LEKR1: variants seen among roughly 807,000 people sequenced by gnomAD.
The protein encoded by LEKR1 is leucine, glutamate and lysine rich 1.
A neutral mutation model predicts 72.4 loss-of-function variants in LEKR1; 59 were observed. That is an observed-to-expected ratio of 0.82 (90% CI 0.66 to 1.01). The LOEUF (loss-of-function observed/expected upper bound fraction) is 1.01. LEKR1 is among the 50% of genes least tolerant of loss of function. The probability of loss-of-function intolerance (pLI) is 0.00; values close to 1 mark genes in which losing one functional copy is unlikely to be tolerated. For missense variants in LEKR1, 728 were observed against 759.2 expected (o/e 0.96, Z 0.48); for synonymous variants, 257 against 263.2 (o/e 0.98, Z 0.23).
intron 5 of LEKR1, among the ~76,000 whole-genome samples, chr3:156,932,806 G>A (rs574355925): frequency 3.1e-4 from 47 of 151,714 alleles, no homozygotes; most frequent in Admixed American, 2.0e-4. Context: ...CGCGGCAGGC[G>A]GATCCCGAGG....
rs374822344 is a variant in LEKR1 at position 157,028,070 on chromosome 3, C to T, written c.1369-33C>T. The T allele has an allele frequency of 2.5e-5, 35 of 1,384,726 alleles. No homozygotes were observed. The African/African-American group carries it at 3.9e-4, about 15-fold the overall frequency. The allele number at this position is 1,384,726 out of a possible 1,614,324, so 85.8% of individuals were successfully genotyped here. A position where few individuals can be genotyped will look rare whatever the true frequency, so the allele number is the denominator to read the frequency against. ...AATTCTGTGGTTACCTAGAAACTAT[C>T]GCCTACAAGCTAATATGAGATTTAT... On this transcript the variant is annotated intron_variant, in intron 11 of 12. Coordinates refer to ENST00000356539, the MANE Select transcript of LEKR1 (RefSeq NM_001004316.3).
chr3:156,880,952 C>G (rs922760956), intron 3 of LEKR1, among the ~76,000 whole-genome samples: 1 of 152,174 alleles, frequency 6.6e-6, no homozygotes, highest in African/African-American at 2.4e-5. Context: ...ATTCAAAAAC[C>G]TTCATGCTAA....
Position 157,024,808 on chromosome 3 carries a change from GAAGAGC to G in LEKR1, c.1256_1261del (p.Glu419_Gln420del), listed in dbSNP as rs762927924. 1 of 1,611,690 alleles carries G rather than the reference GAAGAGC, an allele frequency of 6.2e-7. No homozygotes were observed. The highest frequency in any genetic ancestry group is 1.1e-5 in the South Asian group (1 of 90,408). On this transcript the variant is annotated inframe_deletion, in exon 11 of 13. Transcript: ENST00000356539. Reference sequence around the variant, plus strand: ...AAGGGCCCAACACTTGGTTGAATTTGAAGAGCAAGCTCTTCTCTTTAAGGAAGAAAC... The same window carrying G: ...AAGGGCCCAACACTTGGTTGAATTTGAAGCTCTTCTCTTTAAGGAAGAAAC...
At chr3:156,890,216 T>C (rs1720517091) in intron 3 of LEKR1, among the ~76,000 whole-genome samples, 1 of 152,206 alleles carries the variant, frequency 6.6e-6, no homozygotes, top group South Asian at 2.1e-4. Flanking sequence ...GAAAATGTTA[T>C]TTTGAAAAAC....
chr3:156,846,038 A>G (rs141155498), intron 2 of LEKR1, among the ~76,000 whole-genome samples: 6 of 152,210 alleles, frequency 3.9e-5, no homozygotes, highest in East Asian at 1.9e-4. Context: ...ATATTTTGTT[A>G]TATCTACACC....
intron 9 of LEKR1, among the ~76,000 whole-genome samples, chr3:156,998,768 G>GT (rs1468969366): frequency 6.6e-6 from 1 of 152,064 alleles, no homozygotes; most frequent in African/African-American, 2.4e-5. Context: ...ACAGGGAAGG[G>GT]TTTTATCCAC....
chr3:156,995,473 C>G (rs1005810668), intron 9 of LEKR1, among the ~76,000 whole-genome samples: 2 of 151,866 alleles, frequency 1.3e-5, no homozygotes, highest in African/African-American at 2.4e-5. Context: ...TTTAGTCTAT[C>G]CAGAATATAC....
chr3:156,931,606 G>A (rs897527734), intron 5 of LEKR1, among the ~76,000 whole-genome samples: 4 of 152,088 alleles, frequency 2.6e-5, no homozygotes, highest in Admixed American at 2.6e-4. Flanking sequence ...AAACTCAGGA[G>A]TACATCAGTA....
rs150987919 is a variant in LEKR1 at position 157,011,337 on chromosome 3, C to G, written c.1110-76C>G. 7 of 969,526 alleles carry G rather than the reference C, an allele frequency of 7.2e-6. No individual in the cohort carries two copies. The African/African-American group carries it at 1.1e-4, about 16-fold the overall frequency. 60.1% of individuals were successfully genotyped at this position (969,526 alleles called of 1,614,324 possible). A position where few individuals can be genotyped will look rare whatever the true frequency, so the allele number is the denominator to read the frequency against. On this transcript the variant is annotated intron_variant, in intron 9 of 12. Coordinates refer to ENST00000356539, the MANE Select transcript of LEKR1 (RefSeq NM_001004316.3). ...CAGACTAAGTTTTGAAGTAATATCT[C>G]CCGACCCAGGAACTACAACTTAGGA...
intron 3 of LEKR1, among the ~76,000 whole-genome samples, chr3:156,872,779 G>A (rs1327060622): frequency 1.3e-5 from 2 of 151,672 alleles, no homozygotes; most frequent in African/African-American, 4.8e-5. Flanking sequence ...TTGATTTTTA[G>A]TTTTATTACA....
intron 11 of LEKR1, among the ~76,000 whole-genome samples, chr3:157,026,293 C>T (rs1238502739): frequency 6.6e-6 from 1 of 152,062 alleles, no homozygotes; most frequent in Non-Finnish European, 1.5e-5. Flanking sequence ...GGTTCAGGAT[C>T]CCATCAGCAG....
At chr3:156,852,568 TC>T (rs1208042276) in intron 2 of LEKR1, among the ~76,000 whole-genome samples, 199 bp from the exon 3 acceptor site, 1 of 152,192 alleles carries the variant, frequency 6.6e-6, no homozygotes, top group African/African-American at 2.4e-5. Flanking sequence ...AAGATCTTTT[TC>T]TAATCCCAAG....
intron 5 of LEKR1, among the ~76,000 whole-genome samples, chr3:156,935,744 A>G (rs1015001849): frequency 2.6e-5 from 4 of 152,198 alleles, no homozygotes; most frequent in African/African-American, 4.8e-5. Context: ...ACATGGGGCT[A>G]TTGAGCACTA....
chr3:156,879,451 T>C (rs1719019946), intron 3 of LEKR1, among the ~76,000 whole-genome samples: 1 of 152,132 alleles, frequency 6.6e-6, no homozygotes, highest in Non-Finnish European at 1.5e-5. Flanking sequence ...TTGGGTGCTG[T>C]TAAAAGCATT....
At chr3:157,017,604 A>T (rs1189970176) in intron 10 of LEKR1, 1 of 152,210 alleles carries the variant, frequency 6.6e-6, no homozygotes, top group African/African-American at 2.4e-5. Flanking sequence ...GCACTTTAAT[A>T]TAAAAACACA....
intron 6 of LEKR1, among the ~76,000 whole-genome samples, chr3:156,978,869 T>G (rs548271302): frequency 6.6e-6 from 1 of 152,302 alleles, no homozygotes; most frequent in African/African-American, 2.4e-5. Flanking sequence ...TGATCAGAAA[T>G]TCTTATGTTT....
At chr3:156,913,290 T>C (rs950394844) in intron 3 of LEKR1, among the ~76,000 whole-genome samples, 4 of 152,182 alleles carry the variant, frequency 2.6e-5, no homozygotes, top group Non-Finnish European at 5.9e-5. Flanking sequence ...CATTTATTTG[T>C]GTCATGTCTG....
At chr3:156,858,690 A>AAT (rs1553787651) in intron 3 of LEKR1, among the ~76,000 whole-genome samples, 37 of 150,118 alleles carry the variant, frequency 2.5e-4, no homozygotes, top group African/African-American at 2.0e-4. Flanking sequence ...AAAAAAAAAA[A>AAT]AATCTGTTTT....
intron 3 of LEKR1, among the ~76,000 whole-genome samples, chr3:156,871,463 T>C (rs1717947353): frequency 6.6e-6 from 1 of 152,178 alleles, no homozygotes; most frequent in Non-Finnish European, 1.5e-5. Flanking sequence ...GTCCTTTGGG[T>C]ATATACCCAG....
Sources: gnomAD v4.1 joint callset for allele counts (sites outside exome capture counted in the v4.1 genomes callset) on GRCh38, gnomAD v4.1.1 for gene constraint, MANE v1.5 for transcripts, NCBI Gene and HGNC (gene_info 2026-07-23, HGNC 2026-07-21) for gene names.